Variants in ASIC2 observed in about 807,000 individuals in gnomAD.
ASIC2 encodes acid sensing ion channel subunit 2.
A neutral mutation model predicts 57.3 loss-of-function variants in ASIC2; 25 were observed. The ratio of observed to expected loss-of-function variants is 0.44; its 90% confidence interval spans 0.32 to 0.61. The LOEUF is 0.61. Ranked by LOEUF, ASIC2 falls within the 20% of genes least tolerant of loss-of-function variation. The probability of loss-of-function intolerance (pLI) is 0.06; values close to 1 mark genes in which losing one functional copy is unlikely to be tolerated. For synonymous variants in ASIC2, 319 were observed against 307.5 expected (o/e 1.04, Z -0.39); for missense variants, 641 against 738.1 (o/e 0.87, Z 1.52).
chr17:33,168,758 A>G (rs1905398539), intron 1 of ASIC2, among the ~76,000 whole-genome samples: 1 of 152,220 alleles, frequency 6.6e-6, no homozygotes, highest in African/African-American at 2.4e-5. Context: ...TAGGAAAGAA[A>G]TTATTAATAC....
At chr17:33,215,088 A>C (rs1024261121) in intron 1 of ASIC2, among the ~76,000 whole-genome samples, 1 of 152,242 alleles carries the variant, frequency 6.6e-6, no homozygotes, top group Non-Finnish European at 1.5e-5. Context: ...AACATATGGA[A>C]GATGCTTGGT....
chr17:34,123,802 C>T (rs1457784905), intron 1 of ASIC2, among the ~76,000 whole-genome samples: 1 of 152,192 alleles, frequency 6.6e-6, no homozygotes, highest in Non-Finnish European at 1.5e-5. Context: ...AAGTTACAGG[C>T]TGGGTGTGCT....
At chr17:33,258,796 T>C (rs542851403) in intron 1 of ASIC2, among the ~76,000 whole-genome samples, 31 of 152,218 alleles carry the variant, frequency 2.0e-4, no homozygotes, top group South Asian at 1.2e-3. Context: ...GCCCAGCTGG[T>C]AAGTGGTAGA....
At chr17:33,718,061 C>T (rs1452066995) in intron 1 of ASIC2, among the ~76,000 whole-genome samples, 1 of 152,086 alleles carries the variant, frequency 6.6e-6, no homozygotes, top group African/African-American at 2.4e-5. Flanking sequence ...GGGATTGTTT[C>T]CAGGACACCC....
chr17:33,840,822 C>A lies in ASIC2; in HGVS notation c.555+315156G>T, dbSNP rs138498139. On this transcript the variant is annotated intron_variant, in intron 1 of 9. Transcript: ENST00000359872. Reference sequence around the variant, plus strand: ...CACCACACACACACACACACACACACACAGAGCCTAGATTATCTTGTTGAA... The same window carrying A: ...CACCACACACACACACACACACACAAACAGAGCCTAGATTATCTTGTTGAA... Among the ~76,000 whole-genome samples, 1,183 of 152,154 alleles carry A rather than the reference C, an allele frequency of 7.8e-3. 21 individuals are homozygous for A. The highest frequency in any genetic ancestry group is 0.027 in the African/African-American group (1,122 of 41,502).
chr17:33,057,831 C>G (rs1006031926), intron 3 of ASIC2, among the ~76,000 whole-genome samples: 1 of 152,162 alleles, frequency 6.6e-6, no homozygotes, highest in African/African-American at 2.4e-5. Context: ...GAGTCATAGG[C>G]CAGCCCAACT....
At chr17:33,735,575 G>T (rs940648346) in intron 1 of ASIC2, among the ~76,000 whole-genome samples, 4 of 152,150 alleles carry the variant, frequency 2.6e-5, no homozygotes, top group African/African-American at 9.7e-5. Flanking sequence ...GCTGGGAAGT[G>T]TCATAGTTTT....
At chr17:33,891,685 C>G (rs538829565) in intron 1 of ASIC2, among the ~76,000 whole-genome samples, 6 of 152,174 alleles carry the variant, frequency 3.9e-5, no homozygotes, top group African/African-American at 1.4e-4. Flanking sequence ...TTACTACCCA[C>G]CTCTAACAAG....
chr17:33,879,556 T>C (rs1414026521), intron 1 of ASIC2, among the ~76,000 whole-genome samples: 1 of 152,166 alleles, frequency 6.6e-6, no homozygotes, highest in Non-Finnish European at 1.5e-5. Context: ...AAGAGCTAAC[T>C]ATCCTAAATA....
intron 1 of ASIC2, among the ~76,000 whole-genome samples, chr17:33,238,656 C>A (rs552806655): frequency 2.6e-5 from 4 of 152,194 alleles, no homozygotes; most frequent in Non-Finnish European, 4.4e-5. Context: ...AGGGCCTTTG[C>A]GTTTGCTGTT....
intron 1 of ASIC2, among the ~76,000 whole-genome samples, chr17:33,140,031 TG>T (rs548550700): frequency 6.6e-6 from 1 of 152,238 alleles, no homozygotes; most frequent in African/African-American, 2.4e-5. Flanking sequence ...AAATGTCTTC[TG>T]GGGGCCAGCT....
At chr17:33,115,530 C>T (rs1451168762) in intron 1 of ASIC2, among the ~76,000 whole-genome samples, 2 of 152,176 alleles carry the variant, frequency 1.3e-5, no homozygotes, top group East Asian at 1.9e-4. Context: ...AGCTCTTCCC[C>T]GCCAGGCATT....
intron 1 of ASIC2, among the ~76,000 whole-genome samples, chr17:33,573,136 C>T (rs945313085): frequency 3.9e-5 from 6 of 152,254 alleles, no homozygotes; most frequent in Admixed American, 1.3e-4. Flanking sequence ...TCATGGTACA[C>T]GTTTACCTGG....
At chr17:33,239,500 A>T (rs1908425779) in intron 1 of ASIC2, among the ~76,000 whole-genome samples, 1 of 152,168 alleles carries the variant, frequency 6.6e-6, no homozygotes, top group African/African-American at 2.4e-5. Flanking sequence ...CAGGACAGAG[A>T]ATTTGTTTTT....
chr17:33,101,606 A>C (rs1311977610), intron 2 of ASIC2, among the ~76,000 whole-genome samples: 1 of 152,190 alleles, frequency 6.6e-6, no homozygotes, highest in Non-Finnish European at 1.5e-5. Flanking sequence ...AATCATCTAC[A>C]ATCATATTAT....
chr17:33,996,117 T>C (rs866800387), intron 1 of ASIC2, among the ~76,000 whole-genome samples: 1 of 152,348 alleles, frequency 6.6e-6, no homozygotes, highest in Non-Finnish European at 1.5e-5. Context: ...GAACATTTTT[T>C]TTCATATACC....
At chr17:33,087,575 GTTTTTTTT>G (rs5820015) in intron 3 of ASIC2, among the ~76,000 whole-genome samples, 2 of 111,044 alleles carry the variant, frequency 1.8e-5, no homozygotes, top group African/African-American at 7.2e-5. Context: ...TACAACCAGT[GTTTTTTTT>G]TTTTTTTTTT....
chr17:33,512,363 G>T (rs1347126921), intron 1 of ASIC2, among the ~76,000 whole-genome samples: 1 of 152,174 alleles, frequency 6.6e-6, no homozygotes, highest in Non-Finnish European at 1.5e-5. Flanking sequence ...CCATGGACCA[G>T]GTTCCAAGGC....
chr17:33,756,052 G>T (rs770611128), intron 1 of ASIC2, among the ~76,000 whole-genome samples: 1 of 152,204 alleles, frequency 6.6e-6, no homozygotes, highest in East Asian at 1.9e-4. Flanking sequence ...TCTGCTTCCC[G>T]TTTTCCCTGT....
Sources: allele counts gnomAD v4.1 joint callset (sites outside exome capture counted in the v4.1 genomes callset), GRCh38; gene constraint gnomAD v4.1.1; transcripts MANE v1.5; gene names NCBI Gene and HGNC (gene_info 2026-07-23, HGNC 2026-07-21).